Variants in PLCE1 observed in about 807,000 individuals in gnomAD.
PLCE1 encodes 1-phosphatidylinositol 4,5-bisphosphate phosphodiesterase epsilon-1.
PLCE1 carries 119 observed loss-of-function variants against 242.8 expected under a neutral mutation model. That is an observed-to-expected ratio of 0.49 (90% CI 0.42 to 0.57). The LOEUF (loss-of-function observed/expected upper bound fraction) is 0.57, where lower values mean the gene tolerates loss of function less well. PLCE1 is among the 20% of genes least tolerant of loss of function. The pLI, the probability that PLCE1 is intolerant of heterozygous loss-of-function variation, is 0.00. For synonymous variants in PLCE1, 945 were observed against 1,017.4 expected (o/e 0.93, Z 1.35); for missense variants, 2,441 against 2,788.8 (o/e 0.88, Z 2.81).
intron 29 of PLCE1, among the ~76,000 whole-genome samples, chr10:94,319,113 G>A (rs1181034600): frequency 6.6e-6 from 1 of 152,156 alleles, no homozygotes; most frequent in East Asian, 1.9e-4. Flanking sequence ...CCAAAAGGCT[G>A]GTAAAGGAAG....
intron 2 of PLCE1, among the ~76,000 whole-genome samples, chr10:94,073,942 A>G (rs548814111): frequency 3.3e-5 from 5 of 152,278 alleles, no homozygotes; most frequent in South Asian, 2.1e-4. Context: ...ATCATGATCA[A>G]TGAGGGATTT....
intron 22 of PLCE1, among the ~76,000 whole-genome samples, chr10:94,288,255 T>A (rs1254613151): frequency 6.6e-6 from 1 of 152,158 alleles, no homozygotes; most frequent in African/African-American, 2.4e-5. Context: ...GAGTCTCCAA[T>A]GTCCATTACG....
At chr10:94,303,824 G>C (rs1259578677) in intron 24 of PLCE1, among the ~76,000 whole-genome samples, 2 of 151,952 alleles carry the variant, frequency 1.3e-5, no homozygotes, top group Non-Finnish European at 2.9e-5. Context: ...AAAATGGATG[G>C]TCGCATCTGC....
chr10:94,315,381 C>T lies in PLCE1; in HGVS notation c.6133-1166C>T, dbSNP rs1226759063. On this transcript the variant is annotated intron_variant, in intron 28 of 32. Transcript: ENST00000371380. ...GTGGCAGCTTTCTCTCATCACCAAG[C>T]TACTTCTCACGGGAAGGCAACAAAG... 6 of 455,814 alleles carry T rather than the reference C, an allele frequency of 1.3e-5. No individual in the cohort carries two copies. In the East Asian group the frequency reaches 3.5e-4, roughly 26 times the overall value. 28.2% of individuals were successfully genotyped at this position (455,814 alleles called of 1,614,324 possible).
chr10:94,231,622 G>A (rs2050147239), intron 5 of PLCE1, among the ~76,000 whole-genome samples: 1 of 150,986 alleles, frequency 6.6e-6, no homozygotes, highest in Admixed American at 6.6e-5. Context: ...GTTTAAAACA[G>A]GGATCCCCAG....
chr10:94,137,813 A>G, intron 3 of PLCE1: 1 of 222,306 alleles, frequency 4.5e-6, no homozygotes, highest in South Asian at 7.4e-5. Context: ...TGTTGGACAA[A>G]GCCACCCAAT....
intron 4 of PLCE1, among the ~76,000 whole-genome samples, chr10:94,220,688 A>G (rs1282206378): frequency 6.6e-6 from 1 of 152,036 alleles, no homozygotes; most frequent in African/African-American, 2.4e-5. Flanking sequence ...CAGAGCAGTC[A>G]CAGTAGTGAA....
intron 9 of PLCE1, among the ~76,000 whole-genome samples, chr10:94,252,970 A>G (rs921835778): frequency 3.9e-5 from 6 of 152,340 alleles, no homozygotes; most frequent in Admixed American, 3.9e-4. Flanking sequence ...TGGCTAGAGC[A>G]TGAGCACTCT....
intron 3 of PLCE1, among the ~76,000 whole-genome samples, chr10:94,146,317 G>T (rs891955015): frequency 1.3e-5 from 2 of 152,110 alleles, no homozygotes; most frequent in Non-Finnish European, 2.9e-5. Flanking sequence ...TGAAAATTTA[G>T]CATCACCGGG....
rs571428273 is a variant in PLCE1 at position 94,170,302 on chromosome 10, T to C, written c.1493-878T>C. 2.2e-4 allele frequency among the ~76,000 whole-genome samples: 34 copies of C among 152,098 alleles called. 1 individual carries two copies. The highest frequency in any genetic ancestry group is 4.4e-4 in the Non-Finnish European group (30 of 68,020). On this transcript the variant is annotated intron_variant, in intron 3 of 32. Transcript: ENST00000371380. ...AGAGATCATTCTTTGGAAAACTCTG[T>C]TCTAGGGCTCATCAGAGACTTTCCG...
intron 2 of PLCE1, among the ~76,000 whole-genome samples, chr10:94,087,349 CAAAAAAAA>C (rs57482986): frequency 1.5e-5 from 1 of 67,504 alleles, no homozygotes; most frequent in Admixed American, 1.7e-4. Context: ...GACCCTGTCT[CAAAAAAAA>C]AAAAAAAAAA....
intron 1 of PLCE1, among the ~76,000 whole-genome samples, chr10:94,006,288 A>T (rs1309657084): frequency 1.3e-5 from 2 of 152,218 alleles, no homozygotes; most frequent in Non-Finnish European, 2.9e-5. Context: ...ATGTAATATC[A>T]TCTGTTATTA....
chr10:94,284,810 A>G, intron 21 of PLCE1, 38 bp from the exon 22 acceptor site: 1 of 1,088,436 alleles, frequency 9.2e-7, no homozygotes, highest in Non-Finnish European at 1.4e-6. Context: ...AGTAGCATAT[A>G]CCTTCCATGT....
chr10:94,319,194 G>A (rs967422152), intron 29 of PLCE1, among the ~76,000 whole-genome samples: 3 of 152,190 alleles, frequency 2.0e-5, no homozygotes, highest in Non-Finnish European at 4.4e-5. Context: ...GTAAAATATG[G>A]CAAGTTGTCC....
chr10:94,138,333 G>T, intron 3 of PLCE1: 1 of 371,656 alleles, frequency 2.7e-6, no homozygotes, highest in South Asian at 2.4e-5. Context: ...GCCACAGACT[G>T]GGTCATGACT....
intron 2 of PLCE1, among the ~76,000 whole-genome samples, chr10:94,064,166 G>T (rs1373306123): frequency 6.6e-6 from 1 of 152,162 alleles, no homozygotes; most frequent in African/African-American, 2.4e-5. Flanking sequence ...CCCTGTAAAA[G>T]CTCTTTGTCT....
chr10:94,231,756 T>C (rs951257524), intron 5 of PLCE1, among the ~76,000 whole-genome samples: 2 of 152,132 alleles, frequency 1.3e-5, no homozygotes, highest in Non-Finnish European at 2.9e-5. Context: ...CATTAGATTC[T>C]CATAAGGAGC....
chr10:94,290,731 A>G (rs2052617785), intron 22 of PLCE1, among the ~76,000 whole-genome samples: 1 of 152,130 alleles, frequency 6.6e-6, no homozygotes, highest in Non-Finnish European at 1.5e-5. Context: ...ACATATATAC[A>G]CATGTAATGT....
chr10:94,262,129 T>C (rs2051322971), intron 13 of PLCE1, among the ~76,000 whole-genome samples: 1 of 151,534 alleles, frequency 6.6e-6, no homozygotes, highest in Non-Finnish European at 1.5e-5. Context: ...GCCTCCCGAG[T>C]GGCTGGGACT....
Sources: allele counts gnomAD v4.1 joint callset (sites outside exome capture counted in the v4.1 genomes callset), GRCh38; gene constraint gnomAD v4.1.1; transcripts MANE v1.5; gene names NCBI Gene and HGNC (gene_info 2026-07-23, HGNC 2026-07-21).